CFAP77: variants seen among roughly 807,000 people sequenced by gnomAD.
CFAP77 encodes cilia- and flagella-associated protein 77.
In CFAP77, 25 loss-of-function variants were observed where a neutral mutation model predicts 31.1. The ratio of observed to expected loss-of-function variants is 0.80; its 90% confidence interval spans 0.59 to 1.12. The LOEUF (loss-of-function observed/expected upper bound fraction) is 1.12. Among genes scored for constraint, CFAP77 ranks in the 50% most tolerant of loss-of-function variants. The pLI, the probability that CFAP77 is intolerant of heterozygous loss-of-function variation, is 0.00. For missense variants in CFAP77, 377 were observed against 397.3 expected, an observed-to-expected ratio of 0.95 and a Z score of 0.44; for synonymous variants, 151 against 159.9, an observed-to-expected ratio of 0.94 and a Z score of 0.42.
Position 132,498,920 on chromosome 9 carries a change from G to A in CFAP77, c.295+126G>A, listed in dbSNP as rs1382731663. 15 of 680,722 alleles carry A rather than the reference G, an allele frequency of 2.2e-5. No individual in the cohort carries two copies. Among genetic ancestry groups the A allele is most frequent in the Admixed American group, 5.3e-5 (2 of 37,394 alleles). The allele number at this position is 680,722 out of a possible 1,614,324, so 42.2% of individuals were successfully genotyped here. ...GGTGCTGGAGAAAGACCCAGGGACCGCCAGCCTGGGCAGCTGACTGGTAAA... is the reference window on the plus strand; with the variant it reads ...GGTGCTGGAGAAAGACCCAGGGACCACCAGCCTGGGCAGCTGACTGGTAAA... On this transcript the variant is annotated intron_variant, in intron 2 of 5. Transcript: ENST00000393216. The surrounding 1 kb of genome is among the most constrained non-coding windows in gnomAD (Gnocchi z 4.2).
intron 5 of CFAP77, among the ~76,000 whole-genome samples, chr9:132,546,408 C>T (rs1047520879): frequency 4.0e-5 from 6 of 151,666 alleles, no homozygotes; most frequent in African/African-American, 1.2e-4. Flanking sequence ...AAGGGAAAAG[C>T]GCTTCCAGAA....
Position 132,559,346 on chromosome 9 carries a change from C to CAAAAAAAAAAAAAAAAAAAAAAAA in CFAP77, c.733-13022_733-13021insAAAAAAAAAAAAAAAAAAAAAAAA, listed in dbSNP as rs35737685. On this transcript the variant is annotated intron_variant, in intron 5 of 5. Transcript: ENST00000393216. Reference sequence around the variant, plus strand: ...CGCGTCAGAGTGAGACTCTGTCTTGCAAAAAAAAAAAAAAAAAAAAGGCAA... The same window carrying CAAAAAAAAAAAAAAAAAAAAAAAA: ...CGCGTCAGAGTGAGACTCTGTCTTGCAAAAAAAAAAAAAAAAAAAAAAAAAAAAAAAAAAAAAAAAAAAAGGCAA... Among the ~76,000 whole-genome samples the CAAAAAAAAAAAAAAAAAAAAAAAA allele has an allele frequency of 1.1e-3, 63 of 56,080 alleles. 1 individual carries two copies. The highest frequency in any genetic ancestry group is 1.4e-3 in the East Asian group (3 of 2,096). 36.8% of individuals were successfully genotyped at this position (56,080 alleles called of 152,430 possible). A position where few individuals can be genotyped will look rare whatever the true frequency, so the allele number is the denominator to read the frequency against.
intron 1 of CFAP77, among the ~76,000 whole-genome samples, chr9:132,417,138 G>A (rs1465494977): frequency 2.8e-5 from 4 of 141,144 alleles, no homozygotes; most frequent in South Asian, 2.2e-4. Context: ...TTTTTGAGAC[G>A]GAGTCTCACT....
intron 1 of CFAP77, among the ~76,000 whole-genome samples, chr9:132,461,065 T>TA (rs1203408002): frequency 2.6e-4 from 39 of 151,728 alleles, no homozygotes; most frequent in Admixed American, 1.6e-3. Flanking sequence ...TCACCTAAAT[T>TA]AAAAAAAAAT....
intron 1 of CFAP77, among the ~76,000 whole-genome samples, chr9:132,411,176 C>A (rs933394705): frequency 2.0e-5 from 3 of 152,222 alleles, no homozygotes; most frequent in African/African-American, 4.8e-5. Context: ...TTCCCGGGGG[C>A]CACTGGAGAA....
At chr9:132,544,490 ATTTTTTTTTTTT>A (rs57022259) in intron 5 of CFAP77, among the ~76,000 whole-genome samples, 1 of 111,886 alleles carries the variant, frequency 8.9e-6, no homozygotes, top group African/African-American at 3.5e-5. Flanking sequence ...CTCACTGCCT[ATTTTTTTTTTTT>A]TTTTTTTTTT....
intron 5 of CFAP77, among the ~76,000 whole-genome samples, chr9:132,550,928 A>G (rs528693308): frequency 6.6e-6 from 1 of 152,286 alleles, no homozygotes; most frequent in South Asian, 2.1e-4. Flanking sequence ...GCAAAAGTGC[A>G]GGTGAAATGG....
chr9:132,475,531 A>G (rs1375798917), intron 1 of CFAP77, among the ~76,000 whole-genome samples: 1 of 152,182 alleles, frequency 6.6e-6, no homozygotes, highest in Non-Finnish European at 1.5e-5. Context: ...CGTTTTTGCC[A>G]GTCTTGAATG....
intron 1 of CFAP77, among the ~76,000 whole-genome samples, chr9:132,416,829 G>C (rs1009749238): frequency 6.6e-6 from 1 of 151,742 alleles, no homozygotes; most frequent in Non-Finnish European, 1.5e-5. Context: ...GTAGAGACAG[G>C]GTTTCACCAC....
chr9:132,536,742 C>G (rs934363496), intron 3 of CFAP77, among the ~76,000 whole-genome samples: 3 of 152,144 alleles, frequency 2.0e-5, no homozygotes, highest in Admixed American at 6.6e-5. Flanking sequence ...TTTGGATATT[C>G]CGTCTCTCAA....
Position 132,572,409 on chromosome 9 carries a change from T to G in CFAP77, c.754T>G (p.Phe252Val). ...ACAGGTGGGCCGCCACCTTGATACGTTCCCCACGGAGGCCGATCGCCAGAG... is the reference window on the plus strand; with the variant it reads ...ACAGGTGGGCCGCCACCTTGATACGGTCCCCACGGAGGCCGATCGCCAGAG... ...FQKVGRHLDT[F>V]PTEADRQRAL... The change falls in exon 6 of 6, where the codon TTC becomes GTC. Residue 252 changes from phenylalanine (F) to valine (V), a missense_variant. Coordinates refer to ENST00000393216, the MANE Select transcript of CFAP77 (RefSeq NM_001282957.2). 5 of 1,613,614 alleles carry G rather than the reference T, an allele frequency of 3.1e-6. No individual in the cohort carries two copies. Among genetic ancestry groups the G allele is most frequent in the Non-Finnish European group, 4.2e-6 (5 of 1,180,018 alleles).
chr9:132,536,066 T>C (rs1852536715), intron 3 of CFAP77, among the ~76,000 whole-genome samples: 1 of 152,162 alleles, frequency 6.6e-6, no homozygotes, highest in African/African-American at 2.4e-5. Flanking sequence ...ATCATATATA[T>C]ATGATATACA....
At position 132,481,056 on chromosome 9, in the gene CFAP77, A is replaced by G. The variant is rs1851436984; in HGVS notation, c.196-17639A>G. 6.6e-6 allele frequency among the ~76,000 whole-genome samples: 1 copy of G among 152,196 alleles called. No homozygotes were observed. Among genetic ancestry groups the G allele is most frequent in the African/African-American group, 2.4e-5 (1 of 41,450 alleles). The stretch of plus-strand genomic sequence containing the variant: ...AAAATCTTACACATCCAGTTGCTTT[A>G]AAATATCTCCAACAAGCAGAATTTT... On this transcript the variant is annotated intron_variant, in intron 1 of 5. Transcript: ENST00000393216. The surrounding 1 kb of genome is among the most constrained non-coding windows in gnomAD (Gnocchi z 5.0).
Position 132,499,637 on chromosome 9 carries a change from G to A in CFAP77, c.524+37G>A. 3.2e-6 allele frequency: 5 copies of A among 1,586,850 alleles called. No individual in the cohort carries two copies. Among genetic ancestry groups the A allele is most frequent in the Admixed American group, 3.3e-5 (2 of 59,938 alleles). On this transcript the variant is annotated intron_variant, in intron 3 of 5. Transcript: ENST00000393216. This position sits in a 1 kb window ranked among gnomAD's most constrained non-coding sequence, Gnocchi z 5.4. ...GGCAGCCAGGGCTTCATCCCTTGAGGGGGTGGAGGTACCAGCTCAATCAGG... is the reference window on the plus strand; with the variant it reads ...GGCAGCCAGGGCTTCATCCCTTGAGAGGGTGGAGGTACCAGCTCAATCAGG...
Position 132,499,361 on chromosome 9 carries a change from C to A in CFAP77, c.296-11C>A. On this transcript the variant is annotated splice_polypyrimidine_tract_variant and intron_variant, in intron 2 of 5. Transcript: ENST00000393216. This position sits in a 1 kb window ranked among gnomAD's most constrained non-coding sequence, Gnocchi z 5.4. ...CTGACCACTGCCCCGTGGGTCTCTC[C>A]CTGCCCTCAGCCATCGGACGCTGGA... 6.2e-7 allele frequency: 1 copy of A among 1,613,458 alleles called. No individual in the cohort carries two copies. The highest frequency in any genetic ancestry group is 2.2e-5 in the East Asian group (1 of 44,878).
chr9:132,464,971 G>A (rs1851124165), intron 1 of CFAP77, among the ~76,000 whole-genome samples: 1 of 151,448 alleles, frequency 6.6e-6, no homozygotes, highest in Admixed American at 6.6e-5. Flanking sequence ...CTACTCGGGA[G>A]GTTGAGGCAG....
intron 3 of CFAP77, among the ~76,000 whole-genome samples, chr9:132,535,666 T>C (rs1456778605): frequency 6.6e-6 from 1 of 151,988 alleles, no homozygotes; most frequent in Non-Finnish European, 1.5e-5. Context: ...GAGCTGAGAT[T>C]GCATCACTGC....
rs1464011213 is a variant in CFAP77 at position 132,517,136 on chromosome 9, G to A, written c.524+17536G>A. Among the ~76,000 whole-genome samples the A allele has an allele frequency of 2.6e-5, 4 of 152,080 alleles. No individual in the cohort carries two copies. Among genetic ancestry groups the A allele is most frequent in the Admixed American group, 6.5e-5 (1 of 15,268 alleles). On this transcript the variant is annotated intron_variant, in intron 3 of 5. Coordinates refer to ENST00000393216, the MANE Select transcript of CFAP77 (RefSeq NM_001282957.2). This position sits in a 1 kb window ranked among gnomAD's most constrained non-coding sequence, Gnocchi z 4.7. ...CCCTCATGGATCGGGTGTCGATTTCGTATCGTGGAGAGAAGCCCAGCCCTC... is the reference window on the plus strand; with the variant it reads ...CCCTCATGGATCGGGTGTCGATTTCATATCGTGGAGAGAAGCCCAGCCCTC...
rs143678896 is a variant in CFAP77, at chr9:132,464,042, G to A, written c.196-34653G>A. ...GAAAGAGGCTGCTTTCCCTCATTCC[G>A]CATCACAACCTGCTGTGCTTACAGT... is the stretch of plus-strand genomic sequence containing the variant. On this transcript the variant is annotated intron_variant, in intron 1 of 5. Transcript: ENST00000393216. 8.0e-3 allele frequency among the ~76,000 whole-genome samples: 1,220 copies of A among 152,300 alleles called. 54 individuals carry two copies. Among genetic ancestry groups the A allele is most frequent in the Admixed American group, 0.069 (1,056 of 15,298 alleles).
Sources: allele counts gnomAD v4.1 joint callset (sites outside exome capture counted in the v4.1 genomes callset), GRCh38; gene constraint gnomAD v4.1.1; non-coding constraint Gnocchi (gnomAD v3.1); transcripts MANE v1.5; gene names NCBI Gene and HGNC (gene_info 2026-07-23, HGNC 2026-07-21).